The following ARPP21 variants were observed in gnomAD, a reference collection of about 807,000 sequenced individuals.
The protein encoded by ARPP21 is cAMP regulated phosphoprotein 21.
In ARPP21, 69 loss-of-function variants were observed where a neutral mutation model predicts 113.2. The ratio of observed to expected loss-of-function variants is 0.61; its 90% CI spans 0.50 to 0.74. The LOEUF (loss-of-function observed/expected upper bound fraction) is 0.74. Ranked by LOEUF, ARPP21 falls within the 30% of genes least tolerant of loss-of-function variation. The pLI is 0.00. For missense variants in ARPP21, 1,070 were observed against 1,037.4 expected (o/e 1.03, Z -0.43); for synonymous variants, 368 against 375.5 (o/e 0.98, Z 0.23).
intron 6 of ARPP21, among the ~76,000 whole-genome samples, chr3:35,689,073 A>G (rs1575839841): frequency 6.6e-6 from 1 of 151,610 alleles, no homozygotes; most frequent in East Asian, 2.0e-4. Context: ...TTCCCCTCCT[A>G]TGACATTTGG....
intron 1 of ARPP21, among the ~76,000 whole-genome samples, chr3:35,664,725 T>G (rs1483138421): frequency 1.3e-5 from 2 of 152,124 alleles, no homozygotes; most frequent in African/African-American, 4.8e-5. Flanking sequence ...AGGTGGGGGC[T>G]CAGCTGTTTC....
chr3:35,788,651 G>A (rs2096680786), intron 19 of ARPP21, among the ~76,000 whole-genome samples: 1 of 151,978 alleles, frequency 6.6e-6, no homozygotes, highest in Non-Finnish European at 1.5e-5. Context: ...CCAAAATATT[G>A]AAACTGTAAC....
intron 19 of ARPP21, among the ~76,000 whole-genome samples, chr3:35,750,716 A>G (rs2095371668): frequency 6.6e-6 from 1 of 152,210 alleles, no homozygotes; most frequent in Admixed American, 6.5e-5. Context: ...TTTCAAGGCA[A>G]AAGTTGCCTC....
intron 19 of ARPP21, 97 bp from the exon 20 acceptor site, chr3:35,792,285 T>C (rs894844918): frequency 1.0e-6 from 1 of 971,136 alleles, no homozygotes; most frequent in Non-Finnish European, 1.6e-6. Context: ...GAGACTGAGA[T>C]GTCTGAAGGC....
chr3:35,658,639 G>A (rs556075329), intron 1 of ARPP21, among the ~76,000 whole-genome samples: 3 of 152,148 alleles, frequency 2.0e-5, no homozygotes, highest in East Asian at 1.9e-4. Flanking sequence ...AGGAAATAAA[G>A]TAATTTAAAT....
chr3:35,783,210 C>G (rs527362460), intron 19 of ARPP21, among the ~76,000 whole-genome samples: 1 of 152,256 alleles, frequency 6.6e-6, no homozygotes, highest in South Asian at 2.1e-4. Flanking sequence ...TTGGTACCCA[C>G]TCATAAATAT....
At chr3:35,645,782 G>A (rs1165191009) in intron 1 of ARPP21, among the ~76,000 whole-genome samples, 1 of 151,844 alleles carries the variant, frequency 6.6e-6, no homozygotes, top group Non-Finnish European at 1.5e-5. Flanking sequence ...AAGAGAAGTG[G>A]TTTTCATATA....
intron 19 of ARPP21, chr3:35,781,374 T>A (rs1214351010): frequency 6.6e-6 from 1 of 152,190 alleles, no homozygotes; most frequent in South Asian, 2.1e-4. Context: ...CTAGTCAAGA[T>A]GGAAACAGCC....
intron 14 of ARPP21, among the ~76,000 whole-genome samples, chr3:35,724,197 A>G (rs2093351573): frequency 6.6e-6 from 1 of 152,178 alleles, no homozygotes; most frequent in Admixed American, 6.6e-5. Context: ...ATGAATGTAC[A>G]AGCACATTCT....
intron 19 of ARPP21, among the ~76,000 whole-genome samples, chr3:35,756,034 C>T (rs2095556993): frequency 6.6e-6 from 1 of 152,094 alleles, no homozygotes; most frequent in African/African-American, 2.4e-5. Flanking sequence ...TACAGGGACA[C>T]AAACGCAAAT....
chr3:35,672,467 A>G (rs572202885), intron 1 of ARPP21, among the ~76,000 whole-genome samples: 3 of 152,090 alleles, frequency 2.0e-5, no homozygotes, highest in Admixed American at 2.0e-4. Flanking sequence ...AGGTCTTTGC[A>G]TGATTAGATA....
chr3:35,662,822 A>AACAAAGAT lies in ARPP21; in HGVS notation c.-212-16964_-212-16957dup, dbSNP rs201415646. 6.9e-3 allele frequency among the ~76,000 whole-genome samples: 1,058 copies of AACAAAGAT among 152,336 alleles called. 18 individuals are homozygous for AACAAAGAT. The highest frequency in any genetic ancestry group is 0.024 in the African/African-American group (996 of 41,576). ...ATCTACCAGAAGGGTAAAAAAAATT[A>AACAAAGAT]ACAAAGATTGCATATTCTCACTTGT... On this transcript the variant is annotated intron_variant, in intron 1 of 20. Coordinates refer to ENST00000684406, the MANE Select transcript of ARPP21 (RefSeq NM_001385562.1).
At chr3:35,675,247 T>C (rs1483915956) in intron 1 of ARPP21, among the ~76,000 whole-genome samples, 1 of 151,428 alleles carries the variant, frequency 6.6e-6, no homozygotes, top group Non-Finnish European at 1.5e-5. Context: ...ATGTTGGAAA[T>C]GTAAGGTGGT....
At chr3:35,736,552 T>C (rs1403857652) in intron 15 of ARPP21, among the ~76,000 whole-genome samples, 1 of 152,216 alleles carries the variant, frequency 6.6e-6, no homozygotes, top group Non-Finnish European at 1.5e-5. Context: ...AAAGAATATA[T>C]ATTAGCTTTT....
At chr3:35,684,620 G>A in intron 5 of ARPP21, 1 of 985,434 alleles carries the variant, frequency 1.0e-6, no homozygotes, top group Non-Finnish European at 1.2e-6. Flanking sequence ...TGGTTTACCT[G>A]AGCCCAGGGG....
intron 6 of ARPP21, among the ~76,000 whole-genome samples, chr3:35,689,068 CT>C: frequency 6.6e-6 from 1 of 151,642 alleles, no homozygotes; most frequent in Non-Finnish European, 1.5e-5. Context: ...CCCACTTCCC[CT>C]CCTATGACAT....
intron 19 of ARPP21, among the ~76,000 whole-genome samples, chr3:35,775,174 C>T (rs1471315170): frequency 6.6e-6 from 1 of 152,154 alleles, no homozygotes; most frequent in East Asian, 1.9e-4. Context: ...TCATTCATTT[C>T]TGTAGGCACT....
At chr3:35,762,589 T>C (rs2095823325) in intron 19 of ARPP21, among the ~76,000 whole-genome samples, 1 of 152,118 alleles carries the variant, frequency 6.6e-6, no homozygotes, top group African/African-American at 2.4e-5. Context: ...TCGTGACTAC[T>C]TACAACCATT....
chr3:35,661,766 G>A (rs1707931956), intron 1 of ARPP21, among the ~76,000 whole-genome samples: 1 of 152,108 alleles, frequency 6.6e-6, no homozygotes, highest in Non-Finnish European at 1.5e-5. Flanking sequence ...TATTTATTGT[G>A]TTACCTTGGG....
Sources: allele counts gnomAD v4.1 joint callset (sites outside exome capture counted in the v4.1 genomes callset), GRCh38; gene constraint gnomAD v4.1.1; transcripts MANE v1.5; gene names NCBI Gene and HGNC (gene_info 2026-07-23, HGNC 2026-07-21).